Variants in ABCB7 observed in about 807,000 individuals in gnomAD.
ABCB7 encodes ATP binding cassette subfamily B member 7.
A neutral mutation model predicts 54.4 loss-of-function variants in ABCB7; 7 were observed. The observed-to-expected ratio is 0.13, with a 90% CI of 0.07 to 0.24. ABCB7 has a LOEUF of 0.24. ABCB7 is among the 10% of genes least tolerant of loss of function. The pLI is 1.00. For synonymous variants in ABCB7, 218 were observed against 207.1 expected (o/e 1.05, Z -0.45); for missense variants, 356 against 570.4 (o/e 0.62, Z 3.83).
chrX:75,100,603 C>T (rs1333931807), intron 3 of ABCB7, among the ~76,000 whole-genome samples: 1 of 111,459 alleles, frequency 9.0e-6, no homozygotes, highest in Non-Finnish European at 1.9e-5. Context: ...AGCATTTCCT[C>T]AATAATGTCT....
chrX:75,152,889 A>C lies in ABCB7; in HGVS notation c.168+3216T>G, dbSNP rs762769622. On this transcript the variant is annotated intron_variant, in intron 1 of 15. Coordinates refer to ENST00000373394, the MANE Select transcript of ABCB7 (RefSeq NM_001271696.3). Reference sequence around the variant, plus strand: ...TGGTCAGGCTGGTCTCGAGCTCTTGACCTCAGGTGATCCACCTGCCTTGGC... The same window carrying C: ...TGGTCAGGCTGGTCTCGAGCTCTTGCCCTCAGGTGATCCACCTGCCTTGGC... 1.2e-3 allele frequency among the ~76,000 whole-genome samples: 127 copies of C among 109,875 alleles called. No individual in the cohort carries two copies. The Middle Eastern group carries it at 0.014, about 12-fold the overall frequency.
chrX:75,058,745 G>A, intron 15 of ABCB7, among the ~76,000 whole-genome samples: 1 of 111,380 alleles, frequency 9.0e-6, no homozygotes, highest in South Asian at 3.8e-4. Context: ...TACATGGCAT[G>A]AGGCAGGTAA....
intron 1 of ABCB7, among the ~76,000 whole-genome samples, chrX:75,130,938 A>C (rs1293175390): frequency 9.0e-6 from 1 of 111,621 alleles, no homozygotes. Flanking sequence ...AAAAATAAAG[A>C]GATTCATTGT....
At chrX:75,147,107 T>C (rs12012613) in intron 1 of ABCB7, among the ~76,000 whole-genome samples, 3,157 of 107,035 alleles carry the variant, frequency 0.029, 115 homozygotes, top group African/African-American at 0.1. Flanking sequence ...CAAATCAAAA[T>C]CACAACAAAA....
chrX:75,063,291 T>C (rs5981758), intron 13 of ABCB7, among the ~76,000 whole-genome samples: 3,184 of 111,256 alleles, frequency 0.029, 115 homozygotes, highest in African/African-American at 0.099. Context: ...AGAACTATAG[T>C]TGGAAGTACA....
chrX:75,060,710 A>C (rs1490951456), intron 14 of ABCB7, among the ~76,000 whole-genome samples: 1 of 111,915 alleles, frequency 8.9e-6, no homozygotes, highest in Admixed American at 9.5e-5. Flanking sequence ...GGAGAGACTT[A>C]AGTGACAGGA....
chrX:75,055,553 CAAAAAAAAAAAAAA>C lies in ABCB7; in HGVS notation c.2044-1982_2044-1969del, dbSNP rs59851777. ...GAGACACCCCCCCGCCCATCTCTACCAAAAAAAAAAAAAAAAAAAAAAAAAACAACCAAAAAACA... is the reference window on the plus strand; with the variant it reads ...GAGACACCCCCCCGCCCATCTCTACCAAAAAAAAAAAACAACCAAAAAACA... On this transcript the variant is annotated intron_variant, in intron 15 of 15. Coordinates refer to ENST00000373394, the MANE Select transcript of ABCB7 (RefSeq NM_001271696.3). Among the ~76,000 whole-genome samples the C allele has an allele frequency of 2.0e-3, 43 of 21,742 alleles. No homozygotes were observed. The Middle Eastern group carries it at 0.11, about 56-fold the overall frequency. 18.9% of individuals were successfully genotyped at this position (21,742 alleles called of 115,157 possible). A position where few individuals can be genotyped will look rare whatever the true frequency, so the allele number is the denominator to read the frequency against.
chrX:75,074,335 TAA>T (rs1173198000), intron 6 of ABCB7, among the ~76,000 whole-genome samples: 1 of 111,435 alleles, frequency 9.0e-6, no homozygotes, highest in Non-Finnish European at 1.9e-5. Context: ...TGGCTATTAT[TAA>T]AAAGTCAAAA....
chrX:75,061,831 G>T (rs1229485071), intron 14 of ABCB7, among the ~76,000 whole-genome samples: 1 of 112,342 alleles, frequency 8.9e-6, no homozygotes. Context: ...AACACTTCCA[G>T]TGAAATGAAT....
chrX:75,115,161 A>G (rs1485912176), intron 1 of ABCB7, among the ~76,000 whole-genome samples: 8 of 103,466 alleles, frequency 7.7e-5, no homozygotes, highest in Admixed American at 7.5e-4. Flanking sequence ...CCAGTTACTC[A>G]GGAGGTTGAA....
intron 4 of ABCB7, among the ~76,000 whole-genome samples, chrX:75,083,492 T>A (rs2081472563): frequency 9.0e-6 from 1 of 111,703 alleles, no homozygotes; most frequent in Non-Finnish European, 1.9e-5. Context: ...AGTAAGGATG[T>A]CAATTCTACC....
At chrX:75,137,488 TAAAAC>T (rs2082018732) in intron 1 of ABCB7, among the ~76,000 whole-genome samples, 1 of 112,279 alleles carries the variant, frequency 8.9e-6, no homozygotes, top group Non-Finnish European at 1.9e-5. Context: ...TCAAAGAACT[TAAAAC>T]AGAATTACCA....
At chrX:75,146,183 A>G (rs2082089344) in intron 1 of ABCB7, among the ~76,000 whole-genome samples, 1 of 111,659 alleles carries the variant, frequency 9.0e-6, no homozygotes, top group African/African-American at 3.3e-5. Context: ...CAAATGGAAA[A>G]ACATTTCATG....
chrX:75,057,778 TG>T (rs68128376), intron 15 of ABCB7, among the ~76,000 whole-genome samples: 13,405 of 109,343 alleles, frequency 0.12, 1,537 homozygotes, highest in East Asian at 0.9. Flanking sequence ...TTTTTTTTCC[TG>T]GGGCTGCTTT....
chrX:75,089,887 C>T (rs1602360097), intron 4 of ABCB7, among the ~76,000 whole-genome samples: 1 of 109,948 alleles, frequency 9.1e-6, no homozygotes, highest in African/African-American at 3.3e-5. Context: ...TATATGTAAA[C>T]GGATGAAGAA....
At chrX:75,128,923 G>A (rs964758809) in intron 1 of ABCB7, among the ~76,000 whole-genome samples, 6 of 111,810 alleles carry the variant, frequency 5.4e-5, no homozygotes, top group Non-Finnish European at 9.4e-5. Flanking sequence ...TTAGAATGGC[G>A]ATCATTAAAA....
chrX:75,091,203 C>T (rs2081541278), intron 4 of ABCB7, among the ~76,000 whole-genome samples: 1 of 110,734 alleles, frequency 9.0e-6, no homozygotes, highest in Admixed American at 9.6e-5. Flanking sequence ...AAATCCTCAA[C>T]AAAATATTAC....
intron 1 of ABCB7, among the ~76,000 whole-genome samples, chrX:75,115,974 T>C (rs2081814590): frequency 1.8e-5 from 2 of 111,698 alleles, no homozygotes; most frequent in African/African-American, 6.5e-5. Context: ...TAACAGGCCC[T>C]GAAGGAAATC....
At chrX:75,113,083 G>C (rs2081776743) in intron 2 of ABCB7, 111 bp from the exon 3 acceptor site, 2 of 623,999 alleles carry the variant, frequency 3.2e-6, no homozygotes, top group Non-Finnish European at 5.3e-6. Flanking sequence ...AAATTCACAG[G>C]TATAGTATTT....
Sources: allele counts gnomAD v4.1 joint callset (sites outside exome capture counted in the v4.1 genomes callset), GRCh38; gene constraint gnomAD v4.1.1; transcripts MANE v1.5; gene names NCBI Gene and HGNC (gene_info 2026-07-23, HGNC 2026-07-21).